Variants in STRN observed in about 807,000 individuals in gnomAD.
STRN encodes protein phosphatase 2 regulatory subunit B'''alpha.
In STRN, 53 loss-of-function variants were observed where a neutral mutation model predicts 96.3. The observed-to-expected ratio is 0.55, with a 90% confidence interval of 0.44 to 0.69. The LOEUF is 0.69. Ranked by LOEUF, STRN falls within the 30% of genes least tolerant of loss-of-function variation. STRN has a pLI of 0.00. For missense variants in STRN, 987 were observed against 963.9 expected, an observed-to-expected ratio of 1.02 and a Z score of -0.32; for synonymous variants, 428 against 355.9, an observed-to-expected ratio of 1.20 and a Z score of -2.28.
At chr2:36,932,355 G>A (rs533209841) in intron 1 of STRN, among the ~76,000 whole-genome samples, 21 of 151,804 alleles carry the variant, frequency 1.4e-4, no homozygotes, top group Admixed American at 9.8e-4. Flanking sequence ...GGGTTTCACC[G>A]TGTTGGCCAG....
chr2:36,878,147 T>C (rs1668965734), intron 9 of STRN, 120 bp from the exon 10 acceptor site: 1 of 1,088,288 alleles, frequency 9.2e-7, no homozygotes, highest in Non-Finnish European at 1.3e-6. Context: ...TTAAATGCTT[T>C]TAAACACAAT....
At chr2:36,958,284 C>T (rs1664944498) in intron 1 of STRN, among the ~76,000 whole-genome samples, 1 of 151,978 alleles carries the variant, frequency 6.6e-6, no homozygotes, top group Non-Finnish European at 1.5e-5. Flanking sequence ...CAAGGGAACA[C>T]GTCGTCATGA....
At chr2:36,873,088 G>A (rs1243324048) in intron 10 of STRN, among the ~76,000 whole-genome samples, 2 of 152,114 alleles carry the variant, frequency 1.3e-5, no homozygotes, top group Non-Finnish European at 2.9e-5. Context: ...TTTGCTTTGG[G>A]TTATGATTTC....
chr2:36,927,093 C>T (rs1275219433), intron 1 of STRN, among the ~76,000 whole-genome samples: 1 of 152,166 alleles, frequency 6.6e-6, no homozygotes, highest in Non-Finnish European at 1.5e-5. Context: ...TACTCCTTGG[C>T]TAGTTTTGCA....
Position 36,869,565 on chromosome 2 carries a change from G to C in STRN, c.1488C>G (p.Ala496=). The C allele has an allele frequency of 3.2e-6, 5 of 1,554,584 alleles. No individual in the cohort carries two copies. The highest frequency in any genetic ancestry group is 2.8e-5 in the African/African-American group (2 of 72,630). The part of the protein sequence containing the change: ...TLKMWNLQKT[A]PAKKSTSLDV... ...TAGAATATTCTCACTTTTTGGCTGG[G>C]GCTGTTTTCTGTAAATTCCACATTT... Residue 496 remains alanine, a synonymous_variant, in exon 11 of 18, where the codon GCC becomes GCG. Transcript: ENST00000263918.
rs868383976 is a variant in STRN at position 36,899,632 on chromosome 2, G to A, written c.686C>T (p.Ser229Phe). The A allele has an allele frequency of 1.9e-6, 3 of 1,611,970 alleles. No homozygotes were observed. The highest frequency in any genetic ancestry group is 2.5e-6 in the Non-Finnish European group (3 of 1,179,078). The part of the protein sequence containing the change: ...IAKSELTDSA[S>F]VLDNFKFLES... ...AAGGAATTTGAAATTATCCAGCACG[G>A]AGGCAGAATCTGTTAACTCAGATTT... is the stretch of plus-strand genomic sequence containing the variant. Residue 229 changes from serine (S) to phenylalanine (F), a missense_variant, in exon 6 of 18, where the codon TCC (serine) becomes TTC (phenylalanine). By Grantham distance (155) the Ser-to-Phe change is radical. Transcript: ENST00000263918.
At chr2:36,904,035 T>C (rs560835889) in intron 4 of STRN, among the ~76,000 whole-genome samples, 3 of 152,140 alleles carry the variant, frequency 2.0e-5, no homozygotes, top group Middle Eastern at 3.2e-3. Context: ...CTCAGAAGAG[T>C]TGATTATGGG....
At position 36,843,031 on chromosome 2, in the gene STRN, C is replaced by A. The variant is rs984143468; in HGVS notation, c.*6425G>T. ...ACTACCTGGCAATCTTAGGCTGACC[C>A]CAGGAGGTTCATCAATCCGTGAATA... On this transcript the variant is annotated 3_prime_UTR_variant, in exon 18 of 18. Transcript: ENST00000263918. Among the ~76,000 whole-genome samples, 1 of 152,012 alleles carries A rather than the reference C, an allele frequency of 6.6e-6. No individual in the cohort carries two copies. The highest frequency in any genetic ancestry group is 1.5e-5 in the Non-Finnish European group (1 of 67,978).
At chr2:36,928,059 T>C (rs1420985175) in intron 1 of STRN, among the ~76,000 whole-genome samples, 5 of 152,138 alleles carry the variant, frequency 3.3e-5, no homozygotes, top group Admixed American at 1.3e-4. Context: ...ACTATGAGAA[T>C]AATGTCAATC....
At chr2:36,851,198 A>G in intron 15 of STRN, 91 bp from the exon 16 acceptor site, 1 of 1,194,150 alleles carries the variant, frequency 8.4e-7, no homozygotes, top group Non-Finnish European at 1.2e-6. Context: ...GAGACTGAAA[A>G]AGTAGGCCGG....
intron 1 of STRN, among the ~76,000 whole-genome samples, chr2:36,952,795 C>G (rs1163285424): frequency 1.3e-5 from 2 of 152,260 alleles, no homozygotes. Flanking sequence ...TTTTCAAGTT[C>G]AGCAAGTGCG....
chr2:36,925,256 AG>A (rs1000301736), intron 1 of STRN, 48 bp from the exon 2 acceptor site: 2 of 1,397,662 alleles, frequency 1.4e-6, no homozygotes, highest in Non-Finnish European at 2.0e-6. Context: ...CAAAAAAAAA[AG>A]TTTTTTTAAC....
At chr2:36,858,703 T>C (rs1053011199) in intron 13 of STRN, among the ~76,000 whole-genome samples, 4 of 152,192 alleles carry the variant, frequency 2.6e-5, no homozygotes, top group African/African-American at 7.2e-5. Flanking sequence ...GACTCACAAA[T>C]GTTAAGTCTG....
chr2:36,927,529 G>C lies in STRN; in HGVS notation c.235-2321C>G, dbSNP rs918492286. Among the ~76,000 whole-genome samples, 99 of 146,674 alleles carry C rather than the reference G, an allele frequency of 6.7e-4. 1 individual carries two copies. The highest frequency in any genetic ancestry group is 2.4e-3 in the African/African-American group (95 of 40,236). On this transcript the variant is annotated intron_variant, in intron 1 of 17. Transcript: ENST00000263918. The stretch of plus-strand genomic sequence containing the variant: ...ATATCAAAAAAACAAAAAAAAGGGG[G>C]GGGGGGGTGGTAATCAGGGCCAGGC...
At chr2:36,900,617 G>A (rs1490358204) in intron 5 of STRN, among the ~76,000 whole-genome samples, 6 of 152,084 alleles carry the variant, frequency 3.9e-5, no homozygotes, top group South Asian at 2.1e-4. Context: ...CTGGCTGGAC[G>A]CAGTGGCTCA....
rs2148115211 is a variant in STRN at position 36,845,292 on chromosome 2, C to A, written c.*4164G>T. ...CAAAATTAATTCTAAGCCTTTCAGT[C>A]TGATTTGTGACATCTTAATACAATA... On this transcript the variant is annotated 3_prime_UTR_variant, in exon 18 of 18. Transcript: ENST00000263918. The A allele has an allele frequency of 6.6e-6, 1 of 152,190 alleles. No homozygotes were observed. Among genetic ancestry groups the A allele is most frequent in the Non-Finnish European group, 1.5e-5 (1 of 67,994 alleles). The allele number at this position is 152,190 out of a possible 1,614,324, so 9.4% of individuals were successfully genotyped here. A position where few individuals can be genotyped will look rare whatever the true frequency, so the allele number is the denominator to read the frequency against.
At chr2:36,929,421 T>A (rs191762809) in intron 1 of STRN, among the ~76,000 whole-genome samples, 14 of 151,898 alleles carry the variant, frequency 9.2e-5, no homozygotes, top group African/African-American at 3.1e-4. Context: ...TCTCGCTCTG[T>A]CGCCCAGGCT....
At chr2:36,905,511 A>G (rs1392855683) in intron 4 of STRN, 29 bp downstream of exon 4, 3 of 1,594,066 alleles carry the variant, frequency 1.9e-6, no homozygotes, top group African/African-American at 2.7e-5. Context: ...GTCTTCAGCC[A>G]TTTATAAGTT....
intron 3 of STRN, among the ~76,000 whole-genome samples, chr2:36,910,845 G>C (rs981148108): frequency 1.3e-5 from 2 of 152,046 alleles, no homozygotes; most frequent in African/African-American, 4.8e-5. Context: ...TTAAATAGGA[G>C]AGACTGAAAT....
Sources: gnomAD v4.1 joint callset for allele counts (sites outside exome capture counted in the v4.1 genomes callset) on GRCh38, gnomAD v4.1.1 for gene constraint, MANE v1.5 for transcripts, NCBI Gene and HGNC (gene_info 2026-07-23, HGNC 2026-07-21) for gene names.